The following MTM1 variants were observed in gnomAD, a reference collection of about 807,000 sequenced individuals.
MTM1 encodes myotubularin 1, also known as myotubularin.
Under a neutral mutation model 52.1 loss-of-function variants are expected in MTM1, and 9 were observed. That is an observed-to-expected ratio of 0.17 (90% CI 0.10 to 0.30). The LOEUF is 0.30. Among genes scored for constraint, MTM1 ranks in the 10% least tolerant of loss-of-function variants. The pLI is 1.00. For synonymous variants in MTM1, 136 were observed against 163.8 expected, an observed-to-expected ratio of 0.83 and a Z score of 1.29; for missense variants, 277 against 470.7, an observed-to-expected ratio of 0.59 and a Z score of 3.81.
chrX:150,603,890 G>A (rs1291657184), intron 4 of MTM1, among the ~76,000 whole-genome samples: 1 of 111,942 alleles, frequency 8.9e-6, no homozygotes, highest in East Asian at 2.8e-4. Context: ...TGCGGAGAGC[G>A]AGAAGAGCCA....
At chrX:150,583,696 T>A (rs868963800) in intron 1 of MTM1, among the ~76,000 whole-genome samples, 5 of 35,096 alleles carry the variant, frequency 1.4e-4, no homozygotes, top group African/African-American at 3.6e-4. Context: ...TATATATTAT[T>A]TATAAATATA....
At chrX:150,582,331 T>C (rs1460471518) in intron 1 of MTM1, among the ~76,000 whole-genome samples, 3 of 112,394 alleles carry the variant, frequency 2.7e-5, no homozygotes, top group Non-Finnish European at 5.6e-5. Context: ...AGGTATTCAT[T>C]GAATGCTTAT....
Position 150,598,597 on chromosome X carries a change from G to T in MTM1, c.142G>T (p.Glu48Ter), listed in dbSNP as rs1557412662. Residue 48 changes from glutamate (E) to a stop codon, truncating the protein, a stop_gained, in exon 4 of 15, where the codon GAA becomes TAA. Transcript: ENST00000370396. LOFTEE classifies it high-confidence loss of function. ...LPGETLITDK[E>*]VIYICPFNGP... ...TACTTTTTTTATCTTAATAGACAAA[G>T]AAGTTATTTACATATGTCCTTTCAA... is the stretch of plus-strand genomic sequence containing the variant. 1 of 1,161,823 alleles carries T rather than the reference G, an allele frequency of 8.6e-7. No individual in the cohort carries two copies. Among genetic ancestry groups the T allele is most frequent in the Non-Finnish European group, 1.2e-6 (1 of 851,154 alleles).
intron 6 of MTM1, among the ~76,000 whole-genome samples, chrX:150,625,237 C>T (rs1051417978): frequency 9.0e-6 from 1 of 111,724 alleles, no homozygotes; most frequent in Non-Finnish European, 1.9e-5. Flanking sequence ...GTCTCTACCC[C>T]GTTGGGGTTT....
chrX:150,631,818 C>G (rs782166120), intron 6 of MTM1, among the ~76,000 whole-genome samples: 7 of 111,018 alleles, frequency 6.3e-5, no homozygotes, highest in Non-Finnish European at 1.3e-4. Flanking sequence ...CTTTCTTCCC[C>G]TCTTGTTGCA....
At position 150,644,801 on chromosome X, in the gene MTM1, A is replaced by G. The variant is rs922413478; in HGVS notation, c.679-882A>G. 3.6e-5 allele frequency among the ~76,000 whole-genome samples: 4 copies of G among 110,897 alleles called. No individual in the cohort carries two copies. The Admixed American group carries it at 3.8e-4, about 11-fold the overall frequency. On this transcript the variant is annotated intron_variant, in intron 8 of 14. Coordinates refer to ENST00000370396, the MANE Select transcript of MTM1 (RefSeq NM_000252.3). The stretch of plus-strand genomic sequence containing the variant: ...TTTTATGGAAGAGGAAAGGGAAGCC[A>G]GAGAAGCTGCGAGTGAAATGCCTGA...
intron 10 of MTM1, among the ~76,000 whole-genome samples, chrX:150,656,937 C>T (rs1006588497): frequency 9.0e-6 from 1 of 111,673 alleles, no homozygotes; most frequent in Non-Finnish European, 1.9e-5. Flanking sequence ...CATCTCACAC[C>T]AGTTAGAATG....
chrX:150,568,089 G>A (rs1269124665), upstream of MTM1, among the ~76,000 whole-genome samples: 2 of 112,379 alleles, frequency 1.8e-5, no homozygotes, highest in Non-Finnish European at 3.8e-5. Flanking sequence ...GTGAATTGCA[G>A]ATCCTGCCCC....
intron 6 of MTM1, among the ~76,000 whole-genome samples, chrX:150,620,181 G>A (rs2039453628): frequency 8.9e-6 from 1 of 112,120 alleles, no homozygotes; most frequent in African/African-American, 3.2e-5. Context: ...AATGTGTTCT[G>A]TCTTGATTTA....
Position 150,671,914 on chromosome X carries a change from T to G in MTM1, c.*319T>G. ...ATATACAATATATATTTTGTGGGCT[T>G]AATTGAAACAACATTATTTTAAAAT... On this transcript the variant is annotated 3_prime_UTR_variant, in exon 15 of 15. Coordinates refer to ENST00000370396, the MANE Select transcript of MTM1 (RefSeq NM_000252.3). 1 of 252,277 alleles carries G rather than the reference T, an allele frequency of 4.0e-6. No homozygotes were observed. The highest frequency in any genetic ancestry group is 7.0e-6 in the Non-Finnish European group (1 of 142,402). 20.8% of individuals were successfully genotyped at this position (252,277 alleles called of 1,213,427 possible). A position where few individuals can be genotyped will look rare whatever the true frequency, so the allele number is the denominator to read the frequency against.
chrX:150,635,723 G>C (rs1312582186), intron 6 of MTM1, among the ~76,000 whole-genome samples: 1 of 111,921 alleles, frequency 8.9e-6, no homozygotes, highest in African/African-American at 3.3e-5. Flanking sequence ...CTGAAAAGTA[G>C]GTCCTCGTAC....
intron 2 of MTM1, among the ~76,000 whole-genome samples, chrX:150,594,832 G>A (rs782317622): frequency 1.8e-5 from 2 of 111,509 alleles, no homozygotes; most frequent in African/African-American, 3.3e-5. Flanking sequence ...GCATTTGCTC[G>A]TTATGCCTGT....
At chrX:150,613,299 T>G (rs782349717) in intron 4 of MTM1, among the ~76,000 whole-genome samples, 7 of 112,151 alleles carry the variant, frequency 6.2e-5, no homozygotes, top group Non-Finnish European at 1.1e-4. Context: ...GGTGTAGCCC[T>G]TCATGTCTTT....
chrX:150,643,748 T>C (rs1169856249), intron 8 of MTM1, among the ~76,000 whole-genome samples: 1 of 112,042 alleles, frequency 8.9e-6, no homozygotes, highest in Non-Finnish European at 1.9e-5. Flanking sequence ...GCTTAATCTT[T>C]TGCTATTGTA....
At chrX:150,664,781 A>C (rs781827681) in intron 14 of MTM1, among the ~76,000 whole-genome samples, 1 of 112,539 alleles carries the variant, frequency 8.9e-6, no homozygotes, top group South Asian at 3.6e-4. Flanking sequence ...ATAGATGAGC[A>C]CTGTGTTTGT....
intron 6 of MTM1, among the ~76,000 whole-genome samples, chrX:150,629,574 A>C (rs1243416226): frequency 1.8e-5 from 2 of 112,492 alleles, no homozygotes; most frequent in African/African-American, 3.2e-5. Flanking sequence ...GAGCCTCAGT[A>C]AATGTTTATC....
chrX:150,633,834 C>T (rs2039710966), intron 6 of MTM1, among the ~76,000 whole-genome samples: 1 of 112,029 alleles, frequency 8.9e-6, no homozygotes, highest in African/African-American at 3.2e-5. Context: ...GAGTTCAAGG[C>T]CAGCCTGGGC....
chrX:150,571,239 C>G (rs1239167941), intron 1 of MTM1, among the ~76,000 whole-genome samples: 2 of 112,170 alleles, frequency 1.8e-5, no homozygotes, highest in Non-Finnish European at 3.8e-5. Flanking sequence ...TAGTAATTTT[C>G]CTTTCCTGTT....
intron 1 of MTM1, among the ~76,000 whole-genome samples, chrX:150,570,898 G>A (rs1275957866): frequency 8.9e-6 from 1 of 112,321 alleles, no homozygotes; most frequent in Non-Finnish European, 1.9e-5. Context: ...TACCTTCTAA[G>A]TTCTCTCATA....
Sources: allele counts gnomAD v4.1 joint callset (sites outside exome capture counted in the v4.1 genomes callset), GRCh38; gene constraint gnomAD v4.1.1; transcripts MANE v1.5; gene names NCBI Gene and HGNC (gene_info 2026-07-23, HGNC 2026-07-21).